Variants in TMEM116 observed in about 807,000 individuals in gnomAD.
TMEM116 encodes transmembrane protein 116.
In TMEM116, 38 loss-of-function variants were observed where a neutral mutation model predicts 44.3. That is an observed-to-expected ratio of 0.86 (90% CI 0.66 to 1.12). The LOEUF (loss-of-function observed/expected upper bound fraction) is 1.12, where lower values mean the gene tolerates loss of function less well. Among genes scored for constraint, TMEM116 ranks in the 50% most tolerant of loss-of-function variants. The probability of loss-of-function intolerance (pLI) is 0.00; values close to 1 mark genes in which losing one functional copy is unlikely to be tolerated. For synonymous variants in TMEM116, 132 were observed against 144.8 expected, an observed-to-expected ratio of 0.91 and a Z score of 0.64; for missense variants, 354 against 401.7, an observed-to-expected ratio of 0.88 and a Z score of 1.01.
intron 9 of TMEM116, 33 bp from the exon 10 acceptor site, chr12:111,932,692 A>G (rs940441454): frequency 6.4e-7 from 1 of 1,569,558 alleles, no homozygotes; most frequent in Admixed American, 1.7e-5. Context: ...CCTTCTTGTC[A>G]GCCCTGACTG....
intron 4 of TMEM116, among the ~76,000 whole-genome samples, chr12:111,959,491 T>C (rs1450105623): frequency 6.6e-6 from 1 of 152,148 alleles, no homozygotes; most frequent in African/African-American, 2.4e-5. Context: ...AATTCACACA[T>C]GACAATATTA....
chr12:111,943,784 G>C (rs1035600520), intron 4 of TMEM116, among the ~76,000 whole-genome samples: 6 of 151,938 alleles, frequency 3.9e-5, no homozygotes, highest in Non-Finnish European at 8.8e-5. Context: ...TGATCCACCT[G>C]CCTTGGCCTC....
At chr12:111,954,884 TC>T (rs2073972118) in intron 4 of TMEM116, among the ~76,000 whole-genome samples, 1 of 152,232 alleles carries the variant, frequency 6.6e-6, no homozygotes, top group Non-Finnish European at 1.5e-5. Flanking sequence ...ATCTTGTTTT[TC>T]CATAGCAGTT....
chr12:111,932,738 A>G, intron 9 of TMEM116, 79 bp from the exon 10 acceptor site: 1 of 1,098,926 alleles, frequency 9.1e-7, no homozygotes, highest in African/African-American at 1.6e-5. Context: ...ACGTCTGAGC[A>G]TTATCAGAAT....
chr12:112,005,853 G>A (rs947371935), intron 1 of TMEM116: 1 of 904,758 alleles, frequency 1.1e-6, no homozygotes, highest in Admixed American at 6.2e-5. Flanking sequence ...CTGAAGAAAA[G>A]TTAGTAGTAT....
At chr12:111,958,563 A>G (rs76850393) in intron 4 of TMEM116, among the ~76,000 whole-genome samples, 1 of 152,180 alleles carries the variant, frequency 6.6e-6, no homozygotes, top group Non-Finnish European at 1.5e-5. Context: ...TTAAAGGAGC[A>G]CATTCTAACC....
intron 4 of TMEM116, among the ~76,000 whole-genome samples, chr12:111,982,194 C>CA (rs1015882966): frequency 2.6e-5 from 4 of 151,478 alleles, no homozygotes; most frequent in African/African-American, 2.4e-5. Context: ...GTTCTCACCA[C>CA]AAAAAAATGT....
At chr12:111,987,582 C>A (rs2076296051) in intron 4 of TMEM116, among the ~76,000 whole-genome samples, 1 of 150,852 alleles carries the variant, frequency 6.6e-6, no homozygotes, top group Non-Finnish European at 1.5e-5. Flanking sequence ...CCAATAAGCA[C>A]ATGAAAAGCT....
chr12:111,955,206 G>A (rs1344603511), intron 4 of TMEM116, among the ~76,000 whole-genome samples: 1 of 152,210 alleles, frequency 6.6e-6, no homozygotes, highest in African/African-American at 2.4e-5. Context: ...TGTCAGGGCT[G>A]CAGCTGCTGA....
chr12:111,948,536 G>T (rs748316775), intron 4 of TMEM116, among the ~76,000 whole-genome samples: 1 of 152,126 alleles, frequency 6.6e-6, no homozygotes, highest in Non-Finnish European at 1.5e-5. Flanking sequence ...ATGGCTAAAA[G>T]ATATTCAGGC....
At chr12:112,008,962 C>T (rs191134983) in intron 1 of TMEM116, among the ~76,000 whole-genome samples, 155 of 143,884 alleles carry the variant, frequency 1.1e-3, no homozygotes, top group African/African-American at 3.6e-3. Context: ...GCAACAAGAG[C>T]GAAACTCCAT....
chr12:111,941,326 A>C (rs2072799040), intron 5 of TMEM116, among the ~76,000 whole-genome samples: 2 of 150,836 alleles, frequency 1.3e-5, no homozygotes, highest in Non-Finnish European at 2.9e-5. Context: ...CAGTGAGCCG[A>C]GCTTGTGCCA....
intron 4 of TMEM116, among the ~76,000 whole-genome samples, chr12:111,991,338 C>T (rs1186405571): frequency 4.0e-5 from 6 of 149,240 alleles, no homozygotes; most frequent in African/African-American, 7.4e-5. Flanking sequence ...CTGGCTAACA[C>T]GGTGAAACCC....
At chr12:111,972,118 A>T (rs2075380570) in intron 4 of TMEM116, among the ~76,000 whole-genome samples, 2 of 151,320 alleles carry the variant, frequency 1.3e-5, no homozygotes, top group African/African-American at 4.8e-5. Flanking sequence ...CAAAAAAACA[A>T]AACCCAACTC....
intron 4 of TMEM116, among the ~76,000 whole-genome samples, chr12:111,945,867 C>A (rs904051691): frequency 1.3e-5 from 2 of 152,172 alleles, no homozygotes; most frequent in African/African-American, 4.8e-5. Flanking sequence ...TACCCATACA[C>A]CCATTCTGTT....
intron 3 of TMEM116, among the ~76,000 whole-genome samples, chr12:111,997,246 A>G (rs1565960301): frequency 6.6e-6 from 1 of 152,218 alleles, no homozygotes; most frequent in Non-Finnish European, 1.5e-5. Flanking sequence ...ACAATAAAAA[A>G]ATACATTTAC....
chr12:111,998,830 G>C (rs779788413), intron 3 of TMEM116, among the ~76,000 whole-genome samples: 2 of 151,444 alleles, frequency 1.3e-5, no homozygotes, highest in Non-Finnish European at 2.9e-5. Context: ...AAAGGCAAAG[G>C]GGGAAAGGGG....
intron 4 of TMEM116, 133 bp downstream of exon 4, chr12:111,991,625 G>T: frequency 1.2e-6 from 1 of 864,946 alleles, no homozygotes; most frequent in Non-Finnish European, 1.6e-6. Context: ...TATGAAAAAA[G>T]ATAAAAGCTA....
intron 3 of TMEM116, among the ~76,000 whole-genome samples, chr12:111,994,737 A>C (rs2076835430): frequency 6.6e-6 from 1 of 152,224 alleles, no homozygotes; most frequent in Non-Finnish European, 1.5e-5. Context: ...ACTAATCAGC[A>C]GTAATATTTG....
Sources: gnomAD v4.1 joint callset for allele counts (sites outside exome capture counted in the v4.1 genomes callset) on GRCh38, gnomAD v4.1.1 for gene constraint, MANE v1.5 for transcripts, NCBI Gene and HGNC (gene_info 2026-07-23, HGNC 2026-07-21) for gene names.